EHF: variants seen among roughly 807,000 people sequenced by gnomAD.
EHF encodes the protein ESE3 transcription factor.
A neutral mutation model predicts 45.1 loss-of-function variants in EHF; 14 were observed. The ratio of observed to expected loss-of-function variants is 0.31; its 90% CI spans 0.21 to 0.49. The LOEUF (loss-of-function observed/expected upper bound fraction) is 0.49, where lower values mean the gene tolerates loss of function less well. Among genes scored for constraint, EHF ranks in the 20% least tolerant of loss-of-function variants. EHF has a pLI of 0.99. For missense variants in EHF, 282 were observed against 371.4 expected (o/e 0.76, Z 1.98); for synonymous variants, 136 against 131.8 (o/e 1.03, Z -0.22).
intron 1 of EHF, chr11:34,642,287 T>C (rs939626843): frequency 7.1e-5 from 13 of 182,666 alleles, no homozygotes; most frequent in Admixed American, 5.5e-4. Flanking sequence ...ATTTTCACTT[T>C]TGTAAAAAAA....
chr11:34,656,012 G>T (rs1244690124), intron 6 of EHF, among the ~76,000 whole-genome samples: 1 of 151,614 alleles, frequency 6.6e-6, no homozygotes, highest in Non-Finnish European at 1.5e-5. Flanking sequence ...GCTGATTTTT[G>T]AGTGTGAGAG....
intron 4 of EHF, among the ~76,000 whole-genome samples, chr11:34,650,985 T>A (rs971675540): frequency 6.6e-6 from 1 of 152,030 alleles, no homozygotes; most frequent in Non-Finnish European, 1.5e-5. Flanking sequence ...TTAAGCTAAT[T>A]GGAAAAATCC....
chr11:34,627,984 T>C lies in EHF; in HGVS notation c.-4+6756T>C, dbSNP rs78683272. 6.7e-3 allele frequency among the ~76,000 whole-genome samples: 1,023 copies of C among 152,342 alleles called. 13 individuals carry two copies. The highest frequency in any genetic ancestry group is 0.023 in the African/African-American group (967 of 41,576). ...TTTAATGTATTAACAAGGAAGCACA[T>C]ATATTGTTATCAGGTTGGTGCAAAA... On this transcript the variant is annotated intron_variant, in intron 1 of 8. Coordinates refer to ENST00000257831, the MANE Select transcript of EHF (RefSeq NM_012153.6).
At chr11:34,634,184 A>C (rs1180283642) in intron 1 of EHF, among the ~76,000 whole-genome samples, 2 of 140,150 alleles carry the variant, frequency 1.4e-5, no homozygotes, top group Non-Finnish European at 3.2e-5. Flanking sequence ...TTTCACATGT[A>C]CATGGATTTT....
intron 1 of EHF, among the ~76,000 whole-genome samples, chr11:34,623,086 C>A (rs1397571643): frequency 3.9e-5 from 6 of 152,074 alleles, no homozygotes; most frequent in Admixed American, 1.3e-4. Flanking sequence ...TCAATTCAAA[C>A]AATCCTTTTT....
At chr11:34,656,773 T>A in intron 6 of EHF, 135 bp from the exon 7 acceptor site, 1 of 916,322 alleles carries the variant, frequency 1.1e-6, no homozygotes, top group Non-Finnish European at 1.6e-6. Flanking sequence ...TTTTGTTTGG[T>A]TCACTAGCAC....
chr11:34,656,111 C>T lies in EHF; in HGVS notation c.545-797C>T, dbSNP rs139099558. 2.1e-4 allele frequency among the ~76,000 whole-genome samples: 32 copies of T among 152,170 alleles called. 1 individual carries two copies. The highest frequency in any genetic ancestry group is 9.2e-4 in the Admixed American group (14 of 15,274). ...ACACACACTCACACTCACACACACA[C>T]GGCTAGATCATTTAGTTTTCTTTCT... is the stretch of plus-strand genomic sequence containing the variant. On this transcript the variant is annotated intron_variant, in intron 6 of 8. Coordinates refer to ENST00000257831, the MANE Select transcript of EHF (RefSeq NM_012153.6).
At chr11:34,622,338 C>T in intron 1 of EHF, 1 of 1,088,760 alleles carries the variant, frequency 9.2e-7, no homozygotes, top group Non-Finnish European at 1.2e-6. Context: ...ACCTTGGTAA[C>T]AGGGAGAAAG....
rs528847211 is a variant in EHF, at chr11:34,652,570, G to A, written c.544+765G>A. Among the ~76,000 whole-genome samples, 47 of 152,286 alleles carry A rather than the reference G, an allele frequency of 3.1e-4. 1 individual carries two copies. In the South Asian group the frequency reaches 6.0e-3, roughly 19 times the overall value. ...TTGAAAGAGGATCTTATGGTTTCCC[G>A]TGATCTGAGTATGAACTTGTGGATC... On this transcript the variant is annotated intron_variant, in intron 6 of 8. Transcript: ENST00000257831.
intron 6 of EHF, among the ~76,000 whole-genome samples, chr11:34,653,164 CCATCCTTCCATCCTT>C: frequency 2.1e-5 from 1 of 48,560 alleles, no homozygotes. Flanking sequence ...TTCCATCCTT[CCATCCTTCCATCCTT>C]CCATCCTTCC....
chr11:34,652,670 G>A (rs1199450985), intron 6 of EHF, among the ~76,000 whole-genome samples: 1 of 152,068 alleles, frequency 6.6e-6, no homozygotes, highest in East Asian at 1.9e-4. Flanking sequence ...TAAATTTGGA[G>A]CAACTTCAGA....
Position 34,658,669 on chromosome 11 carries a change from A to G in EHF, c.744A>G (p.Leu248=), listed in dbSNP as rs201673153. The change falls in exon 8 of 9, where the codon CTA becomes CTG. Residue 248 remains leucine (L), a synonymous_variant. Transcript: ENST00000257831. ...RFLKSEAVAQ[L]WGKKKNNSSM... ...TGAAATCAGAGGCAGTGGCTCAGCT[A>G]TGGGGTAAAAAGAAGAACAACAGCA... is the stretch of plus-strand genomic sequence containing the variant. 31 of 1,613,754 alleles carry G rather than the reference A, an allele frequency of 1.9e-5. No individual in the cohort carries two copies. In the Admixed American group the frequency reaches 2.3e-4, roughly 12 times the overall value.
At chr11:34,635,450 CTT>C (rs56121359) in intron 1 of EHF, among the ~76,000 whole-genome samples, 5 of 113,248 alleles carry the variant, frequency 4.4e-5, no homozygotes, top group Admixed American at 9.9e-5. Context: ...AAACCTTATT[CTT>C]TTTTTTTTTT....
intron 1 of EHF, among the ~76,000 whole-genome samples, chr11:34,628,621 T>G (rs147196769): frequency 2.6e-4 from 39 of 152,294 alleles, no homozygotes; most frequent in African/African-American, 9.1e-4. Context: ...ATAATGAAGA[T>G]GATAATAAGA....
At chr11:34,648,547 C>T (rs1251264925) in intron 3 of EHF, among the ~76,000 whole-genome samples, 1 of 152,080 alleles carries the variant, frequency 6.6e-6, no homozygotes, top group Non-Finnish European at 1.5e-5. Context: ...GATTTTAAAT[C>T]AAAGAAGAAT....
At chr11:34,630,300 T>C (rs1395580676) in intron 1 of EHF, among the ~76,000 whole-genome samples, 6 of 152,200 alleles carry the variant, frequency 3.9e-5, no homozygotes, top group African/African-American at 9.6e-5. Flanking sequence ...GCTAGCTTTG[T>C]GTCTTTAGAA....
intron 1 of EHF, among the ~76,000 whole-genome samples, chr11:34,621,637 C>T (rs1157796514): frequency 6.6e-6 from 1 of 152,162 alleles, no homozygotes; most frequent in Admixed American, 6.5e-5. Flanking sequence ...TACACGGTCT[C>T]GCTTTCTAGA....
At chr11:34,623,211 G>A (rs1046576105) in intron 1 of EHF, among the ~76,000 whole-genome samples, 8 of 151,872 alleles carry the variant, frequency 5.3e-5, no homozygotes, top group East Asian at 1.9e-4. Context: ...TCAGCCCCCC[G>A]AGTAGCTGGG....
intron 3 of EHF, among the ~76,000 whole-genome samples, chr11:34,648,806 G>A (rs1267113696): frequency 1.3e-5 from 2 of 152,122 alleles, no homozygotes; most frequent in Non-Finnish European, 2.9e-5. Flanking sequence ...TTGCTTCTAA[G>A]GTAGTGCCTT....
Sources: gnomAD v4.1 joint callset for allele counts (sites outside exome capture counted in the v4.1 genomes callset) on GRCh38, gnomAD v4.1.1 for gene constraint, MANE v1.5 for transcripts, NCBI Gene and HGNC (gene_info 2026-07-23, HGNC 2026-07-21) for gene names.